USP37: variants seen among roughly 807,000 people sequenced by gnomAD.
USP37 encodes the protein ubiquitin specific peptidase 37, also known as ubiquitin carboxyl-terminal hydrolase 37.
In USP37, 27 loss-of-function variants were observed where a neutral mutation model predicts 124.0. The ratio of observed to expected loss-of-function variants is 0.22; its 90% confidence interval spans 0.16 to 0.30. The LOEUF (loss-of-function observed/expected upper bound fraction) is 0.30. Ranked by LOEUF, USP37 falls within the 10% of genes least tolerant of loss-of-function variation. The pLI is 1.00. For synonymous variants in USP37, 365 were observed against 388.0 expected, an observed-to-expected ratio of 0.94 and a Z score of 0.70; for missense variants, 889 against 1,140.4, an observed-to-expected ratio of 0.78 and a Z score of 3.17.
chr2:218,515,026 C>T (rs57651255), intron 10 of USP37, among the ~76,000 whole-genome samples: 3,654 of 152,136 alleles, frequency 0.024, 146 homozygotes, highest in African/African-American at 0.084. Flanking sequence ...TCTTTACTTT[C>T]TGGCACCACA....
intron 22 of USP37, among the ~76,000 whole-genome samples, chr2:218,460,587 CAT>C (rs1261425634): frequency 6.6e-6 from 1 of 152,096 alleles, no homozygotes; most frequent in Non-Finnish European, 1.5e-5. Flanking sequence ...CATTAGCAAA[CAT>C]AAATTATCCT....
chr2:218,506,248 T>TCTTTGC (rs1459425892), intron 11 of USP37, among the ~76,000 whole-genome samples: 3 of 151,724 alleles, frequency 2.0e-5, no homozygotes, highest in Non-Finnish European at 4.4e-5. Context: ...ATGGGTGTAT[T>TCTTTGC]CTTTGCCTTT....
At chr2:218,461,072 C>T (rs188882735) in intron 22 of USP37, among the ~76,000 whole-genome samples, 261 of 152,208 alleles carry the variant, frequency 1.7e-3, no homozygotes, top group Non-Finnish European at 3.2e-3. Context: ...TTGAATAATA[C>T]GTGTCCACTG....
chr2:218,543,086 A>G (rs1159861158), intron 8 of USP37, among the ~76,000 whole-genome samples: 1 of 152,214 alleles, frequency 6.6e-6, no homozygotes, highest in Non-Finnish European at 1.5e-5. Flanking sequence ...CTATAGCTCT[A>G]CAGTAAAAGA....
intron 10 of USP37, among the ~76,000 whole-genome samples, chr2:218,523,893 C>A (rs2106017495): frequency 6.6e-6 from 1 of 152,262 alleles, no homozygotes; most frequent in East Asian, 1.9e-4. Flanking sequence ...AACAATATCA[C>A]CCTGTTCTTG....
chr2:218,497,683 G>A (rs759852427), intron 13 of USP37, 51 bp downstream of exon 13: 12 of 1,603,770 alleles, frequency 7.5e-6, no homozygotes, highest in African/African-American at 6.7e-5. Flanking sequence ...AATTACAGAC[G>A]TGAGCCACCG....
chr2:218,496,191 G>A (rs1445916515), intron 13 of USP37, among the ~76,000 whole-genome samples: 1 of 152,068 alleles, frequency 6.6e-6, no homozygotes, highest in Non-Finnish European at 1.5e-5. Flanking sequence ...TACTTGGGAG[G>A]CTGAGGCAGA....
intron 4 of USP37, among the ~76,000 whole-genome samples, chr2:218,557,369 T>G (rs1574964442): frequency 6.6e-6 from 1 of 152,208 alleles, no homozygotes; most frequent in Middle Eastern, 3.4e-3. Flanking sequence ...AATGAGCCTG[T>G]ATTTGCAAAA....
chr2:218,503,674 C>T (rs527557180), intron 11 of USP37, among the ~76,000 whole-genome samples: 5 of 152,156 alleles, frequency 3.3e-5, no homozygotes, highest in Admixed American at 6.5e-5. Flanking sequence ...GAGATCGCAC[C>T]GTTGCACTCC....
At chr2:218,493,100 G>A (rs1268269796) in intron 14 of USP37, among the ~76,000 whole-genome samples, 1 of 151,960 alleles carries the variant, frequency 6.6e-6, no homozygotes, top group Non-Finnish European at 1.5e-5. Flanking sequence ...AGTTTAAACT[G>A]TAATGGTTTT....
In USP37 at chr2:218,453,254, T is replaced by C. The variant is rs1689538924; in HGVS notation, c.*1676A>G. 6.6e-6 allele frequency: 1 copy of C among 151,252 alleles called. No individual in the cohort carries two copies. Among genetic ancestry groups the C allele is most frequent in the Non-Finnish European group, 1.5e-5 (1 of 67,998 alleles). The allele number at this position is 151,252 out of a possible 1,614,324, so 9.4% of individuals were successfully genotyped here. A position where few individuals can be genotyped will look rare whatever the true frequency, so the allele number is the denominator to read the frequency against. On this transcript the variant is annotated 3_prime_UTR_variant, in exon 26 of 26. Coordinates refer to ENST00000258399, the MANE Select transcript of USP37 (RefSeq NM_020935.3). ...TTCTGTGATGATGGTTTGTGTTTTTTTTGTTTTTGTTTTCGTTTTTTTTAA... is the reference window on the plus strand; with the variant it reads ...TTCTGTGATGATGGTTTGTGTTTTTCTTGTTTTTGTTTTCGTTTTTTTTAA...
chr2:218,490,689 T>C (rs929073219), intron 14 of USP37, among the ~76,000 whole-genome samples: 2 of 152,216 alleles, frequency 1.3e-5, no homozygotes, highest in African/African-American at 4.8e-5. Flanking sequence ...CCCTCGACTT[T>C]GTATATTTCT....
At chr2:218,504,601 T>C (rs2105997388) in intron 11 of USP37, among the ~76,000 whole-genome samples, 1 of 152,232 alleles carries the variant, frequency 6.6e-6, no homozygotes, top group Non-Finnish European at 1.5e-5. Flanking sequence ...AATTTTTTAT[T>C]TTATTTTATT....
chr2:218,473,241 A>G (rs1273882603), intron 20 of USP37: 2 of 152,258 alleles, frequency 1.3e-5, no homozygotes, highest in Non-Finnish European at 2.9e-5. Context: ...AGGACTGGGC[A>G]AAGAACTGAA....
intron 11 of USP37, among the ~76,000 whole-genome samples, chr2:218,507,869 A>G (rs935899705): frequency 6.6e-6 from 1 of 151,042 alleles, no homozygotes; most frequent in Non-Finnish European, 1.5e-5. Flanking sequence ...CCTCTTCCCT[A>G]TAACTAGTTC....
chr2:218,499,294 A>AG (rs1246163069), intron 11 of USP37, among the ~76,000 whole-genome samples: 4 of 24,116 alleles, frequency 1.7e-4, no homozygotes, highest in African/African-American at 6.8e-4. Context: ...AAAAAACAAC[A>AG]AAAAAAAACC....
intron 14 of USP37, among the ~76,000 whole-genome samples, chr2:218,490,899 G>C (rs1316051995): frequency 6.6e-6 from 1 of 152,144 alleles, no homozygotes; most frequent in African/African-American, 2.4e-5. Flanking sequence ...TTTGAGACAG[G>C]CTCTTGCTCT....
chr2:218,507,895 T>C (rs1689764451), intron 11 of USP37, among the ~76,000 whole-genome samples: 1 of 152,204 alleles, frequency 6.6e-6, no homozygotes, highest in Non-Finnish European at 1.5e-5. Flanking sequence ...ACTACCAAGA[T>C]CCAGATTCAG....
At chr2:218,458,039 CA>C (rs34696201) in intron 23 of USP37, among the ~76,000 whole-genome samples, 52,658 of 89,540 alleles carry the variant, frequency 0.59, 11,280 homozygotes, top group East Asian at 0.79. Context: ...GACTCTGTCT[CA>C]AAAAAAAAAA....
Sources: allele counts gnomAD v4.1 joint callset (sites outside exome capture counted in the v4.1 genomes callset), GRCh38; gene constraint gnomAD v4.1.1; transcripts MANE v1.5; gene names NCBI Gene and HGNC (gene_info 2026-07-23, HGNC 2026-07-21).